PTPRZ1: variants seen among roughly 807,000 people sequenced by gnomAD.
PTPRZ1 encodes the protein protein tyrosine phosphatase receptor type Z1.
In PTPRZ1, 82 loss-of-function variants were observed where a neutral mutation model predicts 214.1. That is an observed-to-expected ratio of 0.38 (90% CI 0.32 to 0.46). The LOEUF (loss-of-function observed/expected upper bound fraction) is 0.46. Ranked by LOEUF, PTPRZ1 falls within the 20% of genes least tolerant of loss-of-function variation. PTPRZ1 has a pLI of 1.00. For synonymous variants in PTPRZ1, 945 were observed against 987.9 expected (o/e 0.96, Z 0.81); for missense variants, 2,603 against 2,748.7 (o/e 0.95, Z 1.19).
In PTPRZ1 at chr7:122,012,327, G is replaced by A. The variant is rs771397603; in HGVS notation, c.3281G>A (p.Ser1094Asn). ...SLQETSVSISSTKGMFPGSLA... is the reference protein window; with the variant it reads ...SLQETSVSISNTKGMFPGSLA... ...CAAGAAACCTCTGTTTCCATTTCTA[G>A]CACCAAGGGCATGTTTCCAGGGTCC... is the stretch of plus-strand genomic sequence containing the variant. The change falls in exon 12 of 30, where the codon AGC (serine) becomes AAC (asparagine). Residue 1094 changes from serine (S) to asparagine (N), a missense_variant. Physicochemically the swap from Ser to Asn is conservative, Grantham distance 46 (BLOSUM62 1). Coordinates refer to ENST00000393386, the MANE Select transcript of PTPRZ1 (RefSeq NM_002851.3). 1 of 1,613,976 alleles carries A rather than the reference G, an allele frequency of 6.2e-7. No individual in the cohort carries two copies. The highest frequency in any genetic ancestry group is 1.7e-5 in the Admixed American group (1 of 60,002).
intron 23 of PTPRZ1, among the ~76,000 whole-genome samples, chr7:122,051,026 G>A (rs531618048): frequency 5.7e-4 from 87 of 152,182 alleles, no homozygotes; most frequent in African/African-American, 1.9e-3. Flanking sequence ...ATGTAATGGA[G>A]TAGTAACAGA....
rs1319917673 is a variant in PTPRZ1 at position 121,912,557 on chromosome 7, G to A, written c.59-15599G>A. Among the ~76,000 whole-genome samples, 3 of 152,154 alleles carry A rather than the reference G, an allele frequency of 2.0e-5. No individual in the cohort carries two copies. In the East Asian group the frequency reaches 5.8e-4, roughly 29 times the overall value. On this transcript the variant is annotated intron_variant, in intron 1 of 29. Transcript: ENST00000393386. ...AAATGCATGGAAATATAGATGCTTA[G>A]TGCATTTGGTAAAGAAGCGGGTGAG...
At chr7:121,996,052 A>G (rs189772725) in intron 8 of PTPRZ1, among the ~76,000 whole-genome samples, 5 of 152,322 alleles carry the variant, frequency 3.3e-5, no homozygotes, top group Admixed American at 2.6e-4. Context: ...ATACGAAAGT[A>G]TGCAAATAAT....
chr7:121,992,940 C>A (rs1798016264), intron 8 of PTPRZ1, among the ~76,000 whole-genome samples: 1 of 152,104 alleles, frequency 6.6e-6, no homozygotes, highest in South Asian at 2.1e-4. Context: ...TTGACGTGGG[C>A]CCCAGACTCA....
intron 2 of PTPRZ1, among the ~76,000 whole-genome samples, chr7:121,963,249 G>A (rs982927536): frequency 6.6e-6 from 1 of 152,108 alleles, no homozygotes; most frequent in African/African-American, 2.4e-5. Context: ...TTGAAAGTTA[G>A]GTGCAGAATA....
In PTPRZ1 at chr7:122,011,606, G is replaced by A. The variant is rs1798666578; in HGVS notation, c.2560G>A (p.Val854Met). Reference protein sequence around the residue: ...QVTSATESDKVPLHASLPVAG... With the variant: ...QVTSATESDKMPLHASLPVAG... ...TACTTCAGCTACCGAGAGTGATAAG[G>A]TGCCCTTGCATGCTTCTCTGCCAGT... Residue 854 changes from valine (V) to methionine (M), a missense_variant, in exon 12 of 30, where the codon GTG becomes ATG. This residue lies in a region of PTPRZ1 where 1,913 missense variants were observed against 1,914.3 expected (regional missense o/e 1.00). Coordinates refer to ENST00000393386, the MANE Select transcript of PTPRZ1 (RefSeq NM_002851.3). The A allele has an allele frequency of 4.3e-6, 7 of 1,613,856 alleles. No individual in the cohort carries two copies. Among genetic ancestry groups the A allele is most frequent in the African/African-American group, 1.3e-5 (1 of 74,860 alleles).
chr7:122,002,097 A>G (rs1051229204), intron 10 of PTPRZ1, among the ~76,000 whole-genome samples: 3 of 152,200 alleles, frequency 2.0e-5, no homozygotes, highest in Non-Finnish European at 4.4e-5. Flanking sequence ...TTGAATTCAC[A>G]GTTCCAGAAT....
At chr7:121,989,460 C>T (rs527670565) in intron 8 of PTPRZ1, among the ~76,000 whole-genome samples, 4 of 151,718 alleles carry the variant, frequency 2.6e-5, no homozygotes, top group Admixed American at 6.6e-5. Context: ...CCGCAACCTC[C>T]GCCTCCTGGG....
chr7:121,946,701 C>T (rs937764492), intron 2 of PTPRZ1, among the ~76,000 whole-genome samples: 1 of 152,134 alleles, frequency 6.6e-6, no homozygotes, highest in African/African-American at 2.4e-5. Context: ...AATAATATTG[C>T]AGTGGAAAGC....
In PTPRZ1 at chr7:122,012,411, A is replaced by T; in HGVS notation, c.3365A>T (p.Asn1122Ile). 6.2e-7 allele frequency: 1 copy of T among 1,613,980 alleles called. No homozygotes were observed. The highest frequency in any genetic ancestry group is 8.5e-7 in the Non-Finnish European group (1 of 1,179,932). The change falls in exon 12 of 30, where the codon AAC becomes ATC. Residue 1122 changes from asparagine (N) to isoleucine (I), a missense_variant. Coordinates refer to ENST00000393386, the MANE Select transcript of PTPRZ1 (RefSeq NM_002851.3). ...GAGATTAGTCAAGTTCCAGAAAATA[A>T]CTTTTCAGTTCAACCTACACATACT... is the stretch of plus-strand genomic sequence containing the variant. ...DHEISQVPENNFSVQPTHTVS... is the reference protein window; with the variant it reads ...DHEISQVPENIFSVQPTHTVS...
intron 3 of PTPRZ1, among the ~76,000 whole-genome samples, chr7:121,970,198 T>G (rs1797194655): frequency 6.6e-6 from 1 of 152,084 alleles, no homozygotes; most frequent in Non-Finnish European, 1.5e-5. Context: ...ATCCAGTCTA[T>G]TGTTGTTGGA....
rs549330320 is a variant in PTPRZ1 at position 121,963,126 on chromosome 7, G to T, written c.125-4825G>T. Among the ~76,000 whole-genome samples the T allele has an allele frequency of 3.3e-5, 5 of 152,228 alleles. No individual in the cohort carries two copies. The East Asian group carries it at 9.7e-4, about 29-fold the overall frequency. On this transcript the variant is annotated intron_variant, in intron 2 of 29. Coordinates refer to ENST00000393386, the MANE Select transcript of PTPRZ1 (RefSeq NM_002851.3). ...AGCCCACAAGGTACTAAGTACTATT[G>T]TTGACAGCTGAAGTGATACCTCAGT...
In PTPRZ1 at chr7:122,032,645, A is replaced by T. The variant is rs922385605; in HGVS notation, c.5166+1086A>T. Among the ~76,000 whole-genome samples the T allele has an allele frequency of 2.0e-5, 3 of 152,096 alleles. 1 individual carries two copies. The highest frequency in any genetic ancestry group is 2.0e-4 in the Admixed American group (3 of 15,234). ...CTGCACCCAGCAGTTGCTTCCCAGG[A>T]CTCACACCCATCATTATTTATTTAG... On this transcript the variant is annotated intron_variant, in intron 15 of 29. Transcript: ENST00000393386.
chr7:122,039,155 C>T (rs1799637834), intron 19 of PTPRZ1, among the ~76,000 whole-genome samples: 1 of 152,102 alleles, frequency 6.6e-6, no homozygotes, highest in South Asian at 2.1e-4. Context: ...AGAGTGAAAT[C>T]GATTTTAATT....
chr7:121,888,782 G>A (rs931192736), intron 1 of PTPRZ1, among the ~76,000 whole-genome samples: 1 of 152,082 alleles, frequency 6.6e-6, no homozygotes, highest in East Asian at 1.9e-4. Context: ...GTGCTCAGAT[G>A]TTAATTAAGA....
At position 122,004,624 on chromosome 7, in the gene PTPRZ1, T is replaced by C; in HGVS notation, c.1251T>C (p.Leu417=). 7.3e-7 allele frequency: 1 copy of C among 1,360,634 alleles called. No individual in the cohort carries two copies. The highest frequency in any genetic ancestry group is 1.3e-5 in the South Asian group (1 of 78,500). 84.3% of individuals were successfully genotyped at this position (1,360,634 alleles called of 1,614,324 possible). Residue 417 remains leucine (L), a synonymous_variant, in exon 11 of 30, where the codon CTT becomes CTC. Coordinates refer to ENST00000393386, the MANE Select transcript of PTPRZ1 (RefSeq NM_002851.3). ...TTTTTAATTTTGTAGAACTTGATCT[T>C]TTCCCTGAATTAATTGGAACTGAAG... is the stretch of plus-strand genomic sequence containing the variant. ...DMPTDNPELD[L]FPELIGTEEI... is the part of the protein sequence containing the mutation.
chr7:121,874,600 G>A (rs890255749), intron 1 of PTPRZ1, among the ~76,000 whole-genome samples: 4 of 152,158 alleles, frequency 2.6e-5, no homozygotes, highest in African/African-American at 9.7e-5. Flanking sequence ...CCAATAGATG[G>A]TGCTGCTCTT....
chr7:121,891,025 C>T (rs1794585199), intron 1 of PTPRZ1, among the ~76,000 whole-genome samples: 1 of 152,062 alleles, frequency 6.6e-6, no homozygotes, highest in Non-Finnish European at 1.5e-5. Context: ...CCCCTCACTC[C>T]CCTCTTCTGG....
chr7:121,912,840 G>A (rs1479235901), intron 1 of PTPRZ1, among the ~76,000 whole-genome samples: 1 of 152,152 alleles, frequency 6.6e-6, no homozygotes, highest in Admixed American at 6.5e-5. Context: ...AGAATGTTCA[G>A]TCTGCTCCTG....
Sources: allele counts gnomAD v4.1 joint callset (sites outside exome capture counted in the v4.1 genomes callset), GRCh38; gene constraint gnomAD v4.1.1; regional missense constraint gnomAD v4.1.1; transcripts MANE v1.5; gene names NCBI Gene and HGNC (gene_info 2026-07-23, HGNC 2026-07-21).